Variants in EYS observed in about 807,000 individuals in gnomAD.
EYS encodes EGF-like photoreceptor maintenance factor.
In EYS, 250 loss-of-function variants were observed where a neutral mutation model predicts 282.1. That is an observed-to-expected ratio of 0.89 (90% CI 0.80 to 0.98). The LOEUF is 0.98. Ranked by LOEUF, EYS falls within the 50% of genes least tolerant of loss-of-function variation. EYS has a pLI of 0.00. For missense variants in EYS, 4,016 were observed against 3,709.0 expected (o/e 1.08, Z -2.15); for synonymous variants, 1,355 against 1,282.9 (o/e 1.06, Z -1.20).
chr6:65,367,868 A>T (rs1278774534), intron 8 of EYS, among the ~76,000 whole-genome samples: 10 of 151,710 alleles, frequency 6.6e-5, no homozygotes, highest in Non-Finnish European at 1.5e-5. Context: ...CATATCATGC[A>T]TGTAAAGGTA....
chr6:63,956,513 G>C (rs192360438), intron 35 of EYS, among the ~76,000 whole-genome samples: 1 of 152,144 alleles, frequency 6.6e-6, no homozygotes, highest in Non-Finnish European at 1.5e-5. Context: ...TCACATGGAC[G>C]TGCATGACAC....
chr6:63,994,240 A>G (rs192664976), intron 34 of EYS, among the ~76,000 whole-genome samples: 112 of 152,066 alleles, frequency 7.4e-4, no homozygotes, highest in Non-Finnish European at 1.4e-3. Context: ...CACTGCTTTA[A>G]TTTACACTAT....
At chr6:64,773,011 G>A in intron 22 of EYS, among the ~76,000 whole-genome samples, 1 of 151,720 alleles carries the variant, frequency 6.6e-6, no homozygotes. Context: ...TCAGGGGGAT[G>A]TGGACAGGTT....
At chr6:64,081,629 TTC>T (rs1771971622) in intron 32 of EYS, among the ~76,000 whole-genome samples, 1 of 152,218 alleles carries the variant, frequency 6.6e-6, no homozygotes, top group African/African-American at 2.4e-5. Flanking sequence ...GCTTGCTAAA[TTC>T]TGTCTTGTCA....
At chr6:64,536,366 AGCAGG>A (rs1764518736) in intron 26 of EYS, among the ~76,000 whole-genome samples, 1 of 152,216 alleles carries the variant, frequency 6.6e-6, no homozygotes, top group South Asian at 2.1e-4. Context: ...CTTAACTGTC[AGCAGG>A]AATTCCAGAA....
At chr6:65,497,225 T>C (rs577943166) in intron 2 of EYS, among the ~76,000 whole-genome samples, 3 of 151,962 alleles carry the variant, frequency 2.0e-5, no homozygotes, top group Admixed American at 6.6e-5. Context: ...CAATAATCAG[T>C]TGGAATAGGG....
At chr6:63,977,311 T>G (rs956803831) in intron 35 of EYS, among the ~76,000 whole-genome samples, 2 of 152,036 alleles carry the variant, frequency 1.3e-5, no homozygotes, top group Admixed American at 1.3e-4. Context: ...ATTCCAAATC[T>G]TATCTTTTAG....
At chr6:65,329,344 G>GAT (rs1769713256) in intron 11 of EYS, 1 of 844,544 alleles carries the variant, frequency 1.2e-6, no homozygotes, top group Non-Finnish European at 1.4e-6. Flanking sequence ...GTAATACAAT[G>GAT]ATATGTACTC....
intron 16 of EYS, among the ~76,000 whole-genome samples, chr6:64,910,679 C>G (rs1014885123): frequency 6.6e-6 from 1 of 151,896 alleles, no homozygotes; most frequent in African/African-American, 2.4e-5. Flanking sequence ...CTAAATTCTC[C>G]CCATGACATC....
chr6:65,314,622 A>G, intron 11 of EYS, among the ~76,000 whole-genome samples: 1 of 143,942 alleles, frequency 6.9e-6, no homozygotes, highest in Non-Finnish European at 1.5e-5. Context: ...TCCAGCTAAA[A>G]CCTAATATCC....
At chr6:63,845,511 A>G (rs1772076004) in intron 36 of EYS, among the ~76,000 whole-genome samples, 1 of 151,910 alleles carries the variant, frequency 6.6e-6, no homozygotes, top group Non-Finnish European at 1.5e-5. Flanking sequence ...CCTTTACTCT[A>G]GAGAATGGAG....
At chr6:64,867,017 A>G (rs1465756941) in intron 19 of EYS, among the ~76,000 whole-genome samples, 1 of 151,830 alleles carries the variant, frequency 6.6e-6, no homozygotes, top group Non-Finnish European at 1.5e-5. Context: ...GGAATACAGA[A>G]GAACTTTTAA....
At chr6:65,383,326 T>C (rs1765685710) in intron 8 of EYS, among the ~76,000 whole-genome samples, 1 of 152,074 alleles carries the variant, frequency 6.6e-6, no homozygotes, top group Admixed American at 6.6e-5. Context: ...ATAATCATAC[T>C]TTATTTCACT....
intron 15 of EYS, among the ~76,000 whole-genome samples, chr6:64,916,201 T>C (rs1768157571): frequency 6.6e-6 from 1 of 152,234 alleles, no homozygotes; most frequent in Non-Finnish European, 1.5e-5. Context: ...TTTTTCTCTT[T>C]ATTGTATTCT....
chr6:63,803,887 A>G (rs141773403), intron 37 of EYS, among the ~76,000 whole-genome samples: 7 of 152,352 alleles, frequency 4.6e-5, no homozygotes, highest in Non-Finnish European at 8.8e-5. Context: ...CAATGAAGGA[A>G]GTAAATAAGA....
chr6:65,536,030 G>A (rs918900757), intron 2 of EYS, among the ~76,000 whole-genome samples: 3 of 152,022 alleles, frequency 2.0e-5, no homozygotes, highest in African/African-American at 7.2e-5. Context: ...GGAAATCATG[G>A]AAGAAATTTA....
intron 2 of EYS, among the ~76,000 whole-genome samples, chr6:65,617,486 A>G (rs1006006039): frequency 6.6e-5 from 10 of 152,168 alleles, no homozygotes; most frequent in Admixed American, 2.0e-4. Flanking sequence ...GTTTAATGAG[A>G]CCTGAATTAA....
intron 2 of EYS, among the ~76,000 whole-genome samples, chr6:65,517,126 C>T (rs1452712374): frequency 6.6e-6 from 1 of 151,788 alleles, no homozygotes; most frequent in South Asian, 2.1e-4. Context: ...AAAATACTTG[C>T]TCTTGGAACA....
intron 26 of EYS, among the ~76,000 whole-genome samples, chr6:64,552,221 G>A (rs571081945): frequency 4.6e-5 from 7 of 152,224 alleles, no homozygotes; most frequent in Admixed American, 1.3e-4. Flanking sequence ...ACCTTAAGAC[G>A]GACAGAACAG....
Sources: gnomAD v4.1 joint callset for allele counts (sites outside exome capture counted in the v4.1 genomes callset) on GRCh38, gnomAD v4.1.1 for gene constraint, MANE v1.5 for transcripts, NCBI Gene and HGNC (gene_info 2026-07-23, HGNC 2026-07-21) for gene names.